EAF2: variants seen among roughly 807,000 people sequenced by gnomAD.
The protein encoded by EAF2 is ELL associated factor 2.
A neutral mutation model predicts 29.4 loss-of-function variants in EAF2; 29 were observed. The ratio of observed to expected loss-of-function variants is 0.99; its 90% CI spans 0.73 to 1.35. The LOEUF is 1.35. Ranked by LOEUF, EAF2 falls within the 40% of genes most tolerant of loss-of-function variation. The probability of loss-of-function intolerance (pLI) is 0.00; values close to 1 mark genes in which losing one functional copy is unlikely to be tolerated. For missense variants in EAF2, 292 were observed against 312.0 expected (o/e 0.94, Z 0.48); for synonymous variants, 103 against 102.5 (o/e 1.00, Z -0.03).
At chr3:121,851,304 A>G (rs7652239) in intron 2 of EAF2, among the ~76,000 whole-genome samples, 21 of 151,714 alleles carry the variant, frequency 1.4e-4, no homozygotes, top group Non-Finnish European at 2.9e-4. Context: ...CAGCCTTCCA[A>G]GCAGCTAGGA....
At chr3:121,880,322 T>A (rs199988401) in intron 5 of EAF2, among the ~76,000 whole-genome samples, 2 of 132,770 alleles carry the variant, frequency 1.5e-5, no homozygotes, top group African/African-American at 5.6e-5. Flanking sequence ...TTTTTTTTTT[T>A]AATAGAGACT....
chr3:121,862,612 C>G (rs549189062), intron 4 of EAF2, among the ~76,000 whole-genome samples: 1 of 152,142 alleles, frequency 6.6e-6, no homozygotes, highest in East Asian at 1.9e-4. Context: ...GCGATGGGTT[C>G]GAACATCCTC....
At chr3:121,855,724 T>C (rs1469105162) in intron 3 of EAF2, among the ~76,000 whole-genome samples, 3 of 152,184 alleles carry the variant, frequency 2.0e-5, no homozygotes, top group Admixed American at 2.0e-4. Context: ...CAGAGGTTTG[T>C]CTCTGTACCT....
chr3:121,880,843 A>T (rs886239577), intron 5 of EAF2, among the ~76,000 whole-genome samples: 5 of 152,150 alleles, frequency 3.3e-5, no homozygotes. Context: ...CCCATTTAGT[A>T]TAATGTTAAC....
At chr3:121,872,289 C>G (rs1013539829) in intron 4 of EAF2, among the ~76,000 whole-genome samples, 11 of 151,796 alleles carry the variant, frequency 7.2e-5, no homozygotes, top group Non-Finnish European at 1.5e-5. Context: ...TACTTAAGTA[C>G]AATGGTTTAA....
At chr3:121,846,935 C>T (rs1392444106) in intron 2 of EAF2, among the ~76,000 whole-genome samples, 1 of 152,154 alleles carries the variant, frequency 6.6e-6, no homozygotes, top group Non-Finnish European at 1.5e-5. Context: ...AGCACAGTTA[C>T]AGGAGGCCTA....
intron 1 of EAF2, among the ~76,000 whole-genome samples, chr3:121,839,525 T>C (rs551601330): frequency 1.3e-5 from 2 of 152,208 alleles, no homozygotes; most frequent in African/African-American, 2.4e-5. Context: ...TAAATATTTA[T>C]CATAAAAAAT....
At chr3:121,850,854 C>T (rs967288126) in intron 2 of EAF2, among the ~76,000 whole-genome samples, 65 of 151,944 alleles carry the variant, frequency 4.3e-4, no homozygotes, top group African/African-American at 1.5e-3. Context: ...TGCCCGCCAC[C>T]ATGCCCAGCT....
intron 3 of EAF2, 89 bp from the exon 4 acceptor site, chr3:121,856,922 A>T: frequency 9.4e-7 from 1 of 1,058,392 alleles, no homozygotes; most frequent in Non-Finnish European, 1.4e-6. Flanking sequence ...TAGGAAAAGA[A>T]TAAGTGGTCA....
At chr3:121,846,623 C>A (rs1399078101) in intron 2 of EAF2, among the ~76,000 whole-genome samples, 2 of 152,062 alleles carry the variant, frequency 1.3e-5, no homozygotes, top group East Asian at 1.9e-4. Context: ...AACAAACAAA[C>A]AACAACAACA....
Position 121,872,543 on chromosome 3 carries a change from A to G in EAF2, c.491A>G (p.Lys164Arg), listed in dbSNP as rs1709031485. Residue 164 changes from lysine to arginine, a missense_variant, in exon 5 of 6, where the codon AAG becomes AGG. Physicochemically the swap from Lys to Arg is conservative, Grantham distance 26. Transcript: ENST00000273668. ...ATTTCTGTCTTATTTTCAGAACTGA[A>G]GGCAGAAGCTAGTCTAATGGACCAG... ...SPIDDIEREL[K>R]AEASLMDQMS... 6.3e-7 allele frequency: 1 copy of G among 1,597,450 alleles called. No individual in the cohort carries two copies. Among genetic ancestry groups the G allele is most frequent in the African/African-American group, 1.3e-5 (1 of 74,644 alleles).
At chr3:121,867,038 G>C (rs897817592) in intron 4 of EAF2, among the ~76,000 whole-genome samples, 2 of 152,154 alleles carry the variant, frequency 1.3e-5, no homozygotes, top group African/African-American at 4.8e-5. Context: ...ATACTCACTG[G>C]ATGGGCTCAG....
chr3:121,854,594 T>C (rs1410252575), intron 2 of EAF2, 93 bp from the exon 3 acceptor site: 11 of 1,086,480 alleles, frequency 1.0e-5, no homozygotes, highest in African/African-American at 1.7e-5. Context: ...AAGTATAACA[T>C]AGAAGGAGAA....
At chr3:121,883,987 T>C (rs1709234186) in intron 5 of EAF2, among the ~76,000 whole-genome samples, 2 of 152,278 alleles carry the variant, frequency 1.3e-5, no homozygotes, top group South Asian at 4.1e-4. Flanking sequence ...ATTACAGGCA[T>C]CATATAACAT....
At chr3:121,880,532 CTT>C (rs1350091770) in intron 5 of EAF2, among the ~76,000 whole-genome samples, 1 of 149,948 alleles carries the variant, frequency 6.7e-6, no homozygotes, top group Non-Finnish European at 1.5e-5. Context: ...TTGATTTCTT[CTT>C]GTTTGTTTAT....
At chr3:121,863,140 G>T (rs554297136) in intron 4 of EAF2, among the ~76,000 whole-genome samples, 139 of 152,298 alleles carry the variant, frequency 9.1e-4, no homozygotes, top group African/African-American at 3.3e-3. Flanking sequence ...CTATTCGGGG[G>T]TCAGGGACCC....
intron 4 of EAF2, among the ~76,000 whole-genome samples, chr3:121,868,454 C>T (rs1006223116): frequency 1.3e-5 from 2 of 152,050 alleles, no homozygotes; most frequent in African/African-American, 4.8e-5. Flanking sequence ...CAAAAATTAG[C>T]CAAGCACGGT....
intron 5 of EAF2, among the ~76,000 whole-genome samples, chr3:121,883,721 G>A (rs188131980): frequency 1.4e-3 from 208 of 152,276 alleles, no homozygotes; most frequent in African/African-American, 4.9e-3. Flanking sequence ...TCATCCCCTG[G>A]GGGGCAGTAC....
chr3:121,835,215 A>T lies in EAF2; in HGVS notation c.-71A>T. 6.9e-7 allele frequency: 1 copy of T among 1,451,158 alleles called. No homozygotes were observed. The highest frequency in any genetic ancestry group is 9.7e-7 in the Non-Finnish European group (1 of 1,033,678). The allele number at this position is 1,451,158 out of a possible 1,614,324, so 89.9% of individuals were successfully genotyped here. On this transcript the variant is annotated 5_prime_UTR_variant, in exon 1 of 6. Transcript: ENST00000273668. ...TGACTTGGCTGGCGGGATCAAGTGCAGCTGCTTCAGGCTGAGGTGGCAGAT... is the reference window on the plus strand; with the variant it reads ...TGACTTGGCTGGCGGGATCAAGTGCTGCTGCTTCAGGCTGAGGTGGCAGAT...
Sources: gnomAD v4.1 joint callset for allele counts (sites outside exome capture counted in the v4.1 genomes callset) on GRCh38, gnomAD v4.1.1 for gene constraint, MANE v1.5 for transcripts, NCBI Gene and HGNC (gene_info 2026-07-23, HGNC 2026-07-21) for gene names.